CCSER1: variants seen among roughly 807,000 people sequenced by gnomAD.
CCSER1 encodes coiled-coil serine rich protein 1.
Under a neutral mutation model 82.0 loss-of-function variants are expected in CCSER1, and 41 were observed. That is an observed-to-expected ratio of 0.50 (90% CI 0.39 to 0.65). The LOEUF is 0.65. Ranked by LOEUF, CCSER1 falls within the 30% of genes least tolerant of loss-of-function variation. The pLI is 0.00. For missense variants in CCSER1, 1,119 were observed against 1,064.2 expected (o/e 1.05, Z -0.72); for synonymous variants, 414 against 383.9 (o/e 1.08, Z -0.92).
intron 3 of CCSER1, among the ~76,000 whole-genome samples, chr4:90,393,772 CTTTT>C (rs997027362): frequency 2.7e-5 from 3 of 111,360 alleles, no homozygotes; most frequent in African/African-American, 7.6e-5. Flanking sequence ...TTATATCTTC[CTTTT>C]TTTTTTTTTT....
chr4:90,834,637 A>G (rs1381120252), intron 8 of CCSER1, among the ~76,000 whole-genome samples: 1 of 152,202 alleles, frequency 6.6e-6, no homozygotes, highest in Non-Finnish European at 1.5e-5. Context: ...TAGTATTAAT[A>G]AATTTAAACC....
chr4:91,463,191 G>T (rs909119661), intron 10 of CCSER1, among the ~76,000 whole-genome samples: 3 of 152,178 alleles, frequency 2.0e-5, no homozygotes, highest in Non-Finnish European at 4.4e-5. Flanking sequence ...AGCAACATTT[G>T]CTGTTCAGCA....
chr4:91,366,835 A>G (rs1416985574), intron 10 of CCSER1, among the ~76,000 whole-genome samples: 1 of 152,216 alleles, frequency 6.6e-6, no homozygotes, highest in Non-Finnish European at 1.5e-5. Flanking sequence ...CAACACCACA[A>G]TAAGCAATAT....
At chr4:90,207,580 G>A (rs556635882) in intron 1 of CCSER1, among the ~76,000 whole-genome samples, 64 of 152,196 alleles carry the variant, frequency 4.2e-4, no homozygotes, top group African/African-American at 1.5e-3. Flanking sequence ...AGGCGTTCTG[G>A]TTTTTGGAAT....
At chr4:90,418,162 C>G (rs1756098531) in intron 4 of CCSER1, among the ~76,000 whole-genome samples, 1 of 152,026 alleles carries the variant, frequency 6.6e-6, no homozygotes, top group Non-Finnish European at 1.5e-5. Flanking sequence ...ATGTATCTAC[C>G]TCATAAATTT....
intron 1 of CCSER1, among the ~76,000 whole-genome samples, chr4:90,255,013 A>ACG (rs1723031378): frequency 6.6e-6 from 1 of 151,226 alleles, no homozygotes; most frequent in Non-Finnish European, 1.5e-5. Flanking sequence ...ACACACACGC[A>ACG]CACTTTATGA....
chr4:90,173,548 G>C (rs1732130440), intron 1 of CCSER1, among the ~76,000 whole-genome samples: 2 of 151,834 alleles, frequency 1.3e-5, no homozygotes, highest in South Asian at 4.1e-4. Context: ...GCCTGGGTCA[G>C]TGATCTTGTC....
intron 10 of CCSER1, among the ~76,000 whole-genome samples, chr4:91,188,624 A>G (rs757049195): frequency 6.6e-5 from 10 of 152,200 alleles, no homozygotes; most frequent in Non-Finnish European, 1.0e-4. Context: ...AATGTAGAAT[A>G]GCAGCAGGTC....
intron 10 of CCSER1, among the ~76,000 whole-genome samples, chr4:91,498,167 T>A (rs1365336788): frequency 1.3e-5 from 2 of 151,988 alleles, no homozygotes; most frequent in Non-Finnish European, 2.9e-5. Flanking sequence ...CTTTGCTGGT[T>A]TCAGAATGAG....
intron 3 of CCSER1, among the ~76,000 whole-genome samples, chr4:90,368,310 C>A (rs2153522670): frequency 6.6e-6 from 1 of 151,908 alleles, no homozygotes; most frequent in Middle Eastern, 3.4e-3. Flanking sequence ...ATTTTGTCAA[C>A]CATGATATGA....
chr4:90,299,325 G>GGAGT (rs1732644948), intron 1 of CCSER1, among the ~76,000 whole-genome samples: 1 of 151,978 alleles, frequency 6.6e-6, no homozygotes, highest in African/African-American at 2.4e-5. Context: ...TTCATTTTTA[G>GGAGT]GAGTGACCCA....
chr4:90,193,901 T>C (rs1332319566), intron 1 of CCSER1, among the ~76,000 whole-genome samples: 3 of 152,064 alleles, frequency 2.0e-5, no homozygotes, highest in South Asian at 2.1e-4. Context: ...ATCGGGGACT[T>C]TGATTTCATT....
intron 10 of CCSER1, among the ~76,000 whole-genome samples, chr4:91,280,245 G>T (rs968397414): frequency 6.6e-6 from 1 of 152,166 alleles, no homozygotes; most frequent in Admixed American, 6.5e-5. Flanking sequence ...TTGCTTGAGT[G>T]CTGGTAGTGA....
At chr4:90,130,557 G>A (rs1722646068) in intron 1 of CCSER1, among the ~76,000 whole-genome samples, 1 of 152,130 alleles carries the variant, frequency 6.6e-6, no homozygotes. Flanking sequence ...TTAAGATATT[G>A]CTGGATATTT....
intron 8 of CCSER1, among the ~76,000 whole-genome samples, chr4:90,834,121 T>G (rs572307575): frequency 6.6e-6 from 1 of 152,322 alleles, no homozygotes; most frequent in East Asian, 1.9e-4. Flanking sequence ...GTGTGCAACT[T>G]TAAATGAATT....
intron 10 of CCSER1, among the ~76,000 whole-genome samples, chr4:91,187,325 C>A (rs1454217062): frequency 6.6e-6 from 1 of 152,144 alleles, no homozygotes; most frequent in African/African-American, 2.4e-5. Context: ...CATATCTGTC[C>A]ATTTCTTTTT....
At chr4:91,154,677 C>T (rs914711225) in intron 10 of CCSER1, among the ~76,000 whole-genome samples, 1 of 151,956 alleles carries the variant, frequency 6.6e-6, no homozygotes, top group Non-Finnish European at 1.5e-5. Context: ...TTTTCCCAGA[C>T]ATTCTTTTTA....
chr4:91,007,994 A>G (rs1738672292), intron 9 of CCSER1, among the ~76,000 whole-genome samples: 1 of 151,798 alleles, frequency 6.6e-6, no homozygotes, highest in South Asian at 2.1e-4. Flanking sequence ...TTCTTAGTTG[A>G]CCCATTGGCC....
intron 8 of CCSER1, among the ~76,000 whole-genome samples, chr4:90,842,770 G>A (rs1223354358): frequency 6.6e-6 from 1 of 152,206 alleles, no homozygotes; most frequent in African/African-American, 2.4e-5. Flanking sequence ...TGCAAAGGGA[G>A]TGGGTCATTC....
Sources: allele counts gnomAD v4.1 joint callset (sites outside exome capture counted in the v4.1 genomes callset), GRCh38; gene constraint gnomAD v4.1.1; transcripts MANE v1.5; gene names NCBI Gene and HGNC (gene_info 2026-07-23, HGNC 2026-07-21).